Variants in NCAPD3 observed in about 807,000 individuals in gnomAD.
NCAPD3 encodes the protein condensin-2 complex subunit D3.
A neutral mutation model predicts 182.9 loss-of-function variants in NCAPD3; 105 were observed. The observed-to-expected ratio is 0.57, with a 90% CI of 0.49 to 0.68. NCAPD3 has a LOEUF of 0.68. Ranked by LOEUF, NCAPD3 falls within the 30% of genes least tolerant of loss-of-function variation. The pLI is 0.00. For missense variants in NCAPD3, 1,944 were observed against 1,837.0 expected (o/e 1.06, Z -1.07); for synonymous variants, 815 against 679.9 (o/e 1.20, Z -3.09).
Position 134,210,453 on chromosome 11 carries a change from G to C in NCAPD3, c.384C>G (p.Gly128=). The part of the protein sequence containing the change: ...GLYFLLLEVP[G]SVANQVFHPV... ...GGTGGAATACTTGATTGGCTACACT[G>C]CCTATTCATGAGGAATAAAGAGTAA... Residue 128 remains glycine (G), a splice_region_variant and synonymous_variant, in exon 4 of 35, where the codon GGC becomes GGG. Transcript: ENST00000534548. 1 of 1,612,532 alleles carries C rather than the reference G, an allele frequency of 6.2e-7. No homozygotes were observed. Among genetic ancestry groups the C allele is most frequent in the Non-Finnish European group, 8.5e-7 (1 of 1,178,782 alleles).
At position 134,161,796 on chromosome 11, in the gene NCAPD3, G is replaced by A; in HGVS notation, c.3669C>T (p.Leu1223=). Reference sequence around the variant, plus strand: ...CCACCCTTACCCTGAGATAGTGCATGAGTTCCCGCAAAGCTGGGATCTTAT... The same window carrying A: ...CCACCCTTACCCTGAGATAGTGCATAAGTTCCCGCAAAGCTGGGATCTTAT... The part of the protein sequence containing the change: ...EKNKIPALRE[L]MHYLREVMQD... The change falls in exon 28 of 35, where the codon CTC becomes CTT. Residue 1223 remains leucine (L), a synonymous_variant. Coordinates refer to ENST00000534548, the MANE Select transcript of NCAPD3 (RefSeq NM_015261.3). 6.4e-7 allele frequency: 1 copy of A among 1,569,706 alleles called. No homozygotes were observed. Among genetic ancestry groups the A allele is most frequent in the South Asian group, 1.1e-5 (1 of 88,780 alleles).
intron 32 of NCAPD3, among the ~76,000 whole-genome samples, chr11:134,156,183 A>G (rs1197935201): frequency 6.6e-6 from 1 of 152,194 alleles, no homozygotes; most frequent in Non-Finnish European, 1.5e-5. Flanking sequence ...CTGCCCTCCC[A>G]GAAGTCTCCG....
chr11:134,157,103 A>G lies in NCAPD3; in HGVS notation c.4175-8T>C. 6.2e-7 allele frequency: 1 copy of G among 1,606,742 alleles called. No individual in the cohort carries two copies. Among genetic ancestry groups the G allele is most frequent in the Admixed American group, 1.7e-5 (1 of 59,206 alleles). The stretch of plus-strand genomic sequence containing the variant: ...CCAAACTGTATGAAGACACTAGAAC[A>G]GAAAAGGTGCTGCTATCCAGAAATA... On this transcript the variant is annotated splice_polypyrimidine_tract_variant and splice_region_variant and intron_variant, in intron 31 of 34. Coordinates refer to ENST00000534548, the MANE Select transcript of NCAPD3 (RefSeq NM_015261.3).
Position 134,210,378 on chromosome 11 carries a change from C to G in NCAPD3, c.459G>C (p.Gln153His). The G allele has an allele frequency of 2.5e-6, 4 of 1,614,100 alleles. No individual in the cohort carries two copies. The highest frequency in any genetic ancestry group is 2.5e-6 in the Non-Finnish European group (3 of 1,179,992). Residue 153 changes from glutamine to histidine, a missense_variant, in exon 4 of 35, where the codon CAG becomes CAC. Physicochemically the swap from Gln to His is conservative, Grantham distance 24. This residue lies in a region of NCAPD3 where 1,803 missense variants were observed against 1,674.6 expected (regional missense o/e 1.08). Transcript: ENST00000534548. The part of the protein sequence containing the change: ...CIQTLKKSWP[Q>H]ESNLNRKRKK... ...TTCTTTTCCGATTCAAGTTAGATTC[C>G]TGGGGCCAGCTCTTCTTTAGAGTCT...
intron 27 of NCAPD3, among the ~76,000 whole-genome samples, chr11:134,167,698 TCA>T (rs1194996349): frequency 3.3e-5 from 4 of 119,668 alleles, no homozygotes; most frequent in Admixed American, 1.8e-4. Flanking sequence ...AGGGGCACAC[TCA>T]CTAGTGAGGT....
At chr11:134,223,994 G>C (rs11607699), upstream of NCAPD3, 158,031 of 1,568,370 alleles carry the variant, frequency 0.1, 8,656 homozygotes, top group Admixed American at 0.12. Flanking sequence ...CGCGCGCCGA[G>C]TCGTTCCTGT....
At position 134,168,957 on chromosome 11, in the gene NCAPD3, CAT is replaced by C. The variant is rs1484789225; in HGVS notation, c.3197_3198del (p.Tyr1066Ter). On this transcript the variant is annotated frameshift_variant, in exon 25 of 35. Transcript: ENST00000534548. LOFTEE classifies it high-confidence loss of function. ...AACTTGTTGTACTTCTCATGCTTCT[CAT>C]AGTTATTAAAGTGAAAAATACATTC... ...FIECIFHFNN[Y>X]EKHEKYNKFP... The C allele has an allele frequency of 2.5e-6, 4 of 1,613,852 alleles. No individual in the cohort carries two copies. The highest frequency in any genetic ancestry group is 3.4e-6 in the Non-Finnish European group (4 of 1,179,944).
At chr11:134,181,722 G>C (rs1944301434) in intron 19 of NCAPD3, among the ~76,000 whole-genome samples, 1 of 152,202 alleles carries the variant, frequency 6.6e-6, no homozygotes, top group Non-Finnish European at 1.5e-5. Context: ...CCAAGGAAGA[G>C]AGAGAGCTCC....
intron 16 of NCAPD3, among the ~76,000 whole-genome samples, chr11:134,192,178 T>C (rs1216884017): frequency 6.6e-6 from 1 of 152,192 alleles, no homozygotes; most frequent in Non-Finnish European, 1.5e-5. Flanking sequence ...TGATACTAAA[T>C]CTATTTTCTT....
At chr11:134,183,132 A>G (rs1669203941) in intron 19 of NCAPD3, 1 of 456,078 alleles carries the variant, frequency 2.2e-6, no homozygotes, top group African/African-American at 2.0e-5. Context: ...CGCTGTACAC[A>G]TGATTCTTTT....
rs1003550216 is a variant in NCAPD3, at chr11:134,151,019, A to G, written c.*1925T>C. The G allele has an allele frequency of 6.6e-6, 1 of 152,264 alleles. No homozygotes were observed. The highest frequency in any genetic ancestry group is 1.5e-5 in the Non-Finnish European group (1 of 68,052). 9.4% of individuals were successfully genotyped at this position (152,264 alleles called of 1,614,324 possible). On this transcript the variant is annotated 3_prime_UTR_variant, in exon 35 of 35. Transcript: ENST00000534548. Reference sequence around the variant, plus strand: ...ATCACTCAGAAGCCTGTGTTCTTCAAGAGCAGGTGTTCTCAGCCTCACATG... The same window carrying G: ...ATCACTCAGAAGCCTGTGTTCTTCAGGAGCAGGTGTTCTCAGCCTCACATG...
In NCAPD3 at chr11:134,185,543, T is replaced by G. The variant is rs369639883; in HGVS notation, c.2046-17A>C. On this transcript the variant is annotated splice_polypyrimidine_tract_variant and intron_variant, in intron 16 of 34. Transcript: ENST00000534548. ...AAATATCGGCTGGAAAAAAAAAAGA[T>G]AGAAAAGCAGAATTGCAACTGTAAA... 1 of 1,562,176 alleles carries G rather than the reference T, an allele frequency of 6.4e-7. No homozygotes were observed. The highest frequency in any genetic ancestry group is 2.3e-5 in the East Asian group (1 of 44,356).
chr11:134,225,053 T>C (rs1938413370), upstream of NCAPD3: 3 of 1,454,610 alleles, frequency 2.1e-6, no homozygotes, highest in East Asian at 5.1e-5. Context: ...TGGCCTTCTT[T>C]ACCTAGGGCA....
intron 16 of NCAPD3, among the ~76,000 whole-genome samples, chr11:134,191,641 A>C (rs1270873942): frequency 1.3e-5 from 2 of 152,374 alleles, no homozygotes; most frequent in East Asian, 3.9e-4. Flanking sequence ...TAGAGCATGC[A>C]TAAGGAGGTA....
Position 134,186,890 on chromosome 11 carries a change from T to C in NCAPD3, c.2046-1364A>G, listed in dbSNP as rs567406863. ...GTCTTACTACAGTTAGCTTACAACA[T>C]GATTTATGTCTGATTTATGTCCAAA... On this transcript the variant is annotated intron_variant, in intron 16 of 34. Coordinates refer to ENST00000534548, the MANE Select transcript of NCAPD3 (RefSeq NM_015261.3). 2.6e-5 allele frequency among the ~76,000 whole-genome samples: 4 copies of C among 152,364 alleles called. No homozygotes were observed. In the South Asian group the frequency reaches 8.3e-4, roughly 32 times the overall value.
At position 134,217,116 on chromosome 11, in the gene NCAPD3, A is replaced by G; in HGVS notation, c.220-18T>C. ...CAGATACTCTGTGGGGAGACCGCAA[A>G]TCACAAAAGCCAGTCATTAGAGAAA... On this transcript the variant is annotated intron_variant, in intron 2 of 34. Transcript: ENST00000534548. The G allele has an allele frequency of 1.3e-6, 2 of 1,555,090 alleles. No homozygotes were observed. The highest frequency in any genetic ancestry group is 2.4e-5 in the South Asian group (2 of 81,704).
Position 134,192,750 on chromosome 11 carries a change from C to G in NCAPD3, c.1984G>C (p.Asp662His), listed in dbSNP as rs35935780. 29 of 1,614,218 alleles carry G rather than the reference C, an allele frequency of 1.8e-5. No homozygotes were observed. The Admixed American group carries it at 4.8e-4, about 27-fold the overall frequency. Reference sequence around the variant, plus strand: ...AGCGCCCAGGCGAGGACCTGGCTGTCGTCCCCAGAGTGAAAATGACTGTGA... The same window carrying G: ...AGCGCCCAGGCGAGGACCTGGCTGTGGTCCCCAGAGTGAAAATGACTGTGA... ...RHHSHFHSGD[D>H]SQVLAWALLT... Residue 662 changes from aspartate (D) to histidine (H), a missense_variant, in exon 16 of 35, where the codon GAC (aspartate) becomes CAC (histidine). Transcript: ENST00000534548.
At chr11:134,167,076 T>G (rs1365126843) in intron 27 of NCAPD3, among the ~76,000 whole-genome samples, 2 of 52,088 alleles carry the variant, frequency 3.8e-5, no homozygotes, top group Admixed American at 2.2e-4. Context: ...TTGGGGGAGC[T>G]GCACACTCAC....
chr11:134,192,218 A>G (rs983147454), intron 16 of NCAPD3, among the ~76,000 whole-genome samples: 1 of 152,206 alleles, frequency 6.6e-6, no homozygotes, highest in African/African-American at 2.4e-5. Flanking sequence ...TCCATCACAG[A>G]TCCTAACTCC....
Sources: gnomAD v4.1 joint callset for allele counts (sites outside exome capture counted in the v4.1 genomes callset) on GRCh38, gnomAD v4.1.1 for gene constraint, gnomAD v4.1.1 regional missense constraint, MANE v1.5 for transcripts, NCBI Gene and HGNC (gene_info 2026-07-23, HGNC 2026-07-21) for gene names.